Variants in COPS5 observed in about 807,000 individuals in gnomAD.
The protein encoded by COPS5 is COP9 signalosome subunit 5.
In COPS5, 8 loss-of-function variants were observed where a neutral mutation model predicts 44.4. The observed-to-expected ratio is 0.18, with a 90% CI of 0.11 to 0.32. COPS5 has a LOEUF of 0.32. COPS5 is among the 10% of genes least tolerant of loss of function. The pLI is 1.00. For missense variants in COPS5, 159 were observed against 406.4 expected, an observed-to-expected ratio of 0.39 and a Z score of 5.23; for synonymous variants, 122 against 142.8, an observed-to-expected ratio of 0.85 and a Z score of 1.04.
At chr8:67,045,615 C>T in intron 7 of COPS5, 197 bp downstream of exon 7, 1 of 583,360 alleles carries the variant, frequency 1.7e-6, no homozygotes, top group South Asian at 2.2e-5. Context: ...TTTTCATGTT[C>T]TTACCTGAGG....
chr8:67,050,612 A>G (rs1303611291), intron 6 of COPS5, among the ~76,000 whole-genome samples: 2 of 118,204 alleles, frequency 1.7e-5, no homozygotes, highest in Non-Finnish European at 3.2e-5. Context: ...TGTGAGTGTG[A>G]GAGTGTGTGT....
At chr8:67,061,780 C>T (rs1332549977) in intron 1 of COPS5, 74 bp downstream of exon 1, 85 of 1,493,040 alleles carry the variant, frequency 5.7e-5, no homozygotes, top group Non-Finnish European at 9.3e-6. Flanking sequence ...ACCCCTTTCA[C>T]CTCCCTCTCC....
intron 5 of COPS5, among the ~76,000 whole-genome samples, chr8:67,054,004 T>TAAA (rs1205430314): frequency 1.6e-5 from 2 of 128,716 alleles, no homozygotes; most frequent in Non-Finnish European, 3.3e-5. Context: ...AGACTCCATT[T>TAAA]AAAAAAAAAA....
intron 5 of COPS5, among the ~76,000 whole-genome samples, chr8:67,052,049 T>G (rs1460314277): frequency 4.6e-5 from 7 of 152,110 alleles, no homozygotes; most frequent in Non-Finnish European, 7.4e-5. Context: ...ACATCAAAAT[T>G]AAATATAATG....
intron 2 of COPS5, among the ~76,000 whole-genome samples, chr8:67,058,548 AT>A (rs781330012): frequency 2.0e-5 from 3 of 150,898 alleles, no homozygotes; most frequent in South Asian, 4.2e-4. Flanking sequence ...TTATCTTTTT[AT>A]TTTTTTTTCT....
intron 6 of COPS5, among the ~76,000 whole-genome samples, chr8:67,050,558 AGTGTGT>A (rs34629150): frequency 7.8e-5 from 11 of 141,084 alleles, no homozygotes; most frequent in Middle Eastern, 3.8e-3. Flanking sequence ...TGTGAGTGTG[AGTGTGT>A]GTGTGTGTGT....
chr8:67,053,644 T>C (rs1209458599), intron 5 of COPS5, among the ~76,000 whole-genome samples: 2 of 151,018 alleles, frequency 1.3e-5, no homozygotes, highest in Admixed American at 1.3e-4. Flanking sequence ...GAGGTTGCAG[T>C]GAGCCGAGAT....
chr8:67,058,885 T>C (rs1804547886), intron 2 of COPS5, among the ~76,000 whole-genome samples: 2 of 151,800 alleles, frequency 1.3e-5, no homozygotes, highest in African/African-American at 2.4e-5. Flanking sequence ...ACGCCTGTAG[T>C]CCCAGCTACT....
chr8:67,045,963 G>A lies in COPS5; in HGVS notation c.772-3C>T. The A allele has an allele frequency of 1.9e-6, 3 of 1,612,880 alleles. No homozygotes were observed. The highest frequency in any genetic ancestry group is 2.5e-6 in the Non-Finnish European group (3 of 1,179,406). On this transcript the variant is annotated splice_region_variant and splice_polypyrimidine_tract_variant and intron_variant, in intron 6 of 7. Coordinates refer to ENST00000357849, the MANE Select transcript of COPS5 (RefSeq NM_006837.3). The stretch of plus-strand genomic sequence containing the variant: ...TGACCAGTGGTATAGTCTGCATTCT[G>A]TGGGGAAAGTGGTATTGTGTCACTG...
chr8:67,061,722 G>A (rs929153419), intron 1 of COPS5, 132 bp downstream of exon 1: 9 of 896,680 alleles, frequency 1.0e-5, no homozygotes, highest in South Asian at 3.2e-5. Context: ...TCTACTTGCA[G>A]ATCCAAGACG....
At chr8:67,059,004 GA>G (rs575915856) in intron 2 of COPS5, among the ~76,000 whole-genome samples, 38 of 129,132 alleles carry the variant, frequency 2.9e-4, no homozygotes, top group Middle Eastern at 4.3e-3. Flanking sequence ...TCCCTGTCTC[GA>G]AAAAAAAAAA....
intron 1 of COPS5, chr8:67,060,750 G>A (rs1804584500): frequency 3.3e-6 from 1 of 299,984 alleles, no homozygotes; most frequent in South Asian, 2.8e-5. Flanking sequence ...TCTTAGGTCT[G>A]ACTATTGCTC....
intron 2 of COPS5, 24 bp from the exon 3 acceptor site, chr8:67,058,235 G>GT: frequency 6.2e-7 from 1 of 1,609,756 alleles, no homozygotes; most frequent in Non-Finnish European, 8.5e-7. Context: ...GGGCAAAAAA[G>GT]TTTAAGATTA....
At chr8:67,046,154 C>T (rs563496560) in intron 6 of COPS5, among the ~76,000 whole-genome samples, 194 bp from the exon 7 acceptor site, 1 of 152,274 alleles carries the variant, frequency 6.6e-6, no homozygotes, top group East Asian at 1.9e-4. Context: ...TCAGGCAGTT[C>T]AAGTGTAGAT....
chr8:67,049,707 T>C (rs1226232118), intron 6 of COPS5, among the ~76,000 whole-genome samples: 1 of 152,148 alleles, frequency 6.6e-6, no homozygotes, highest in Non-Finnish European at 1.5e-5. Context: ...TTGGTTACAG[T>C]TTCAGCTGTA....
chr8:67,060,442 A>C, intron 1 of COPS5: 1 of 1,288,728 alleles, frequency 7.8e-7, no homozygotes, highest in South Asian at 1.2e-5. Flanking sequence ...AAAGAATCCA[A>C]ATTTAATTCC....
chr8:67,045,090 GAC>G (rs1314390831), intron 7 of COPS5: 6 of 152,168 alleles, frequency 3.9e-5, no homozygotes, highest in African/African-American at 1.4e-4. Flanking sequence ...TTAAGAGAGA[GAC>G]AATCACTTCT....
chr8:67,050,452 C>T (rs1290998659), intron 6 of COPS5, among the ~76,000 whole-genome samples: 2 of 152,198 alleles, frequency 1.3e-5, no homozygotes, highest in African/African-American at 2.4e-5. Flanking sequence ...GCGCAAGCCG[C>T]TCATCAAGCT....
At chr8:67,052,551 G>A (rs953202385) in intron 5 of COPS5, among the ~76,000 whole-genome samples, 1 of 151,298 alleles carries the variant, frequency 6.6e-6, no homozygotes, top group Non-Finnish European at 1.5e-5. Flanking sequence ...CCGAGTAGCT[G>A]GGACTACAGG....
Sources: gnomAD v4.1 joint callset for allele counts (sites outside exome capture counted in the v4.1 genomes callset) on GRCh38, gnomAD v4.1.1 for gene constraint, MANE v1.5 for transcripts, NCBI Gene and HGNC (gene_info 2026-07-23, HGNC 2026-07-21) for gene names.